The following PPP2R2C variants were observed in gnomAD, a reference collection of about 807,000 sequenced individuals.
PPP2R2C encodes protein phosphatase 2, regulatory subunit B, gamma.
Under a neutral mutation model 45.3 loss-of-function variants are expected in PPP2R2C, and 10 were observed. The ratio of observed to expected loss-of-function variants is 0.22; its 90% CI spans 0.14 to 0.37. The LOEUF (loss-of-function observed/expected upper bound fraction) is 0.37. PPP2R2C is among the 10% of genes least tolerant of loss of function. The probability of loss-of-function intolerance (pLI) is 1.00; values close to 1 mark genes in which losing one functional copy is unlikely to be tolerated. For synonymous variants in PPP2R2C, 257 were observed against 245.4 expected (o/e 1.05, Z -0.44); for missense variants, 308 against 619.7 (o/e 0.50, Z 5.34).
intron 2 of PPP2R2C, among the ~76,000 whole-genome samples, chr4:6,514,919 A>G (rs1440484327): frequency 2.6e-5 from 4 of 152,240 alleles, no homozygotes; most frequent in South Asian, 2.1e-4. Context: ...CTGCATCACT[A>G]CAATCTCTGT....
intron 2 of PPP2R2C, among the ~76,000 whole-genome samples, chr4:6,479,433 C>G (rs13105491): frequency 1.4e-5 from 2 of 140,890 alleles, no homozygotes; most frequent in Non-Finnish European, 3.0e-5. Context: ...CAACCCAGGT[C>G]GCCATGCCTC....
chr4:6,321,665 A>T lies in PPP2R2C; in HGVS notation c.*1637T>A, dbSNP rs1731557915. 2 of 92,760 alleles carry T rather than the reference A, an allele frequency of 2.2e-5. No homozygotes were observed. Among genetic ancestry groups the T allele is most frequent in the Non-Finnish European group, 4.6e-5 (2 of 43,874 alleles). The allele number at this position is 92,760 out of a possible 1,614,324, so 5.7% of individuals were successfully genotyped here. A position where few individuals can be genotyped will look rare whatever the true frequency, so the allele number is the denominator to read the frequency against. Reference sequence around the variant, plus strand: ...TCTTGTAAAAAACAAAACAAAACAAAACCAAAAAAAAAGTTTGGATTTGGC... The same window carrying T: ...TCTTGTAAAAAACAAAACAAAACAATACCAAAAAAAAAGTTTGGATTTGGC... On this transcript the variant is annotated 3_prime_UTR_variant, in exon 9 of 9. Transcript: ENST00000382599.
intron 1 of PPP2R2C, among the ~76,000 whole-genome samples, chr4:6,442,990 C>T (rs1720227838): frequency 6.6e-6 from 1 of 152,214 alleles, no homozygotes; most frequent in Non-Finnish European, 1.5e-5. Flanking sequence ...GTGACTTTCC[C>T]GACCTAAATG....
At chr4:6,488,460 G>A (rs929276653) in intron 2 of PPP2R2C, among the ~76,000 whole-genome samples, 2 of 152,102 alleles carry the variant, frequency 1.3e-5, no homozygotes, top group African/African-American at 2.4e-5. Flanking sequence ...AAGGTGGGAG[G>A]ATCACTTGAG....
chr4:6,371,155 C>G (rs1462585721), intron 5 of PPP2R2C, among the ~76,000 whole-genome samples: 2 of 152,204 alleles, frequency 1.3e-5, no homozygotes, highest in Admixed American at 6.5e-5. Context: ...TGAGTGTACT[C>G]ACCCAGGGTC....
At chr4:6,346,163 C>CA (rs911069053) in intron 6 of PPP2R2C, among the ~76,000 whole-genome samples, 4 of 152,290 alleles carry the variant, frequency 2.6e-5, no homozygotes, top group African/African-American at 9.6e-5. Context: ...TTTCTTCCTG[C>CA]AGACCCTGCA....
intron 1 of PPP2R2C, among the ~76,000 whole-genome samples, chr4:6,470,423 T>C (rs1037277950): frequency 6.6e-6 from 1 of 152,148 alleles, no homozygotes; most frequent in African/African-American, 2.4e-5. Context: ...GCAGAGGGAA[T>C]TAATGTTTGA....
intron 1 of PPP2R2C, among the ~76,000 whole-genome samples, chr4:6,390,630 G>A (rs1376542576): frequency 2.6e-5 from 4 of 152,214 alleles, no homozygotes; most frequent in Admixed American, 6.5e-5. Flanking sequence ...AGTGAGTGAC[G>A]GAAGGCCGTT....
chr4:6,562,958 C>T (rs1725627331), intron 1 of PPP2R2C, among the ~76,000 whole-genome samples: 1 of 133,678 alleles, frequency 7.5e-6, no homozygotes, highest in Non-Finnish European at 1.5e-5. Context: ...CTGTCCCTGC[C>T]AGCCAAAAAA....
chr4:6,423,313 C>T (rs1452925234), intron 1 of PPP2R2C, among the ~76,000 whole-genome samples: 2 of 152,206 alleles, frequency 1.3e-5, no homozygotes, highest in Non-Finnish European at 2.9e-5. Context: ...AAGCAATTCT[C>T]CTGCCTCAGC....
intron 5 of PPP2R2C, chr4:6,348,818 G>T: frequency 1.4e-6 from 1 of 691,034 alleles, no homozygotes; most frequent in Non-Finnish European, 1.8e-6. Context: ...CCTGGATCAA[G>T]CTGCACCTGA....
In PPP2R2C at chr4:6,324,276, A is replaced by G. The variant is rs572396569; in HGVS notation, c.1053-683T>C. On this transcript the variant is annotated intron_variant, in intron 8 of 8. Coordinates refer to ENST00000382599, the MANE Select transcript of PPP2R2C (RefSeq NM_020416.4). This position sits in a 1 kb window ranked among gnomAD's most constrained non-coding sequence, Gnocchi z 4.1. The stretch of plus-strand genomic sequence containing the variant: ...ATGAAACCCTGTCTCTACTAAAAAT[A>G]CAAAAATTAGCTGGACATGGTGGTG... Among the ~76,000 whole-genome samples the G allele has an allele frequency of 2.4e-3, 367 of 152,144 alleles. 1 individual carries two copies. Among genetic ancestry groups the G allele is most frequent in the Middle Eastern group, 6.8e-3 (2 of 294 alleles).
At position 6,363,411 on chromosome 4, in the gene PPP2R2C, T is replaced by C. The variant is rs563533286; in HGVS notation, c.625+9112A>G. ...GGCTAACACGGTGAAACCCCGTCTCTACTAAAAAATACAAAAAATTAGCCG... is the reference window on the plus strand; with the variant it reads ...GGCTAACACGGTGAAACCCCGTCTCCACTAAAAAATACAAAAAATTAGCCG... On this transcript the variant is annotated intron_variant, in intron 5 of 8. Coordinates refer to ENST00000382599, the MANE Select transcript of PPP2R2C (RefSeq NM_020416.4). Among the ~76,000 whole-genome samples the C allele has an allele frequency of 5.9e-5, 9 of 152,098 alleles. No individual in the cohort carries two copies. The East Asian group carries it at 1.8e-3, about 30-fold the overall frequency.
intron 2 of PPP2R2C, among the ~76,000 whole-genome samples, chr4:6,515,828 G>A (rs948911828): frequency 2.0e-5 from 3 of 152,154 alleles, no homozygotes; most frequent in African/African-American, 7.2e-5. Context: ...CGAGGTGTCC[G>A]GCAGAGCCAC....
At chr4:6,552,185 T>C (rs975389985) in intron 1 of PPP2R2C, among the ~76,000 whole-genome samples, 5 of 152,356 alleles carry the variant, frequency 3.3e-5, no homozygotes, top group African/African-American at 9.6e-5. Context: ...GCAGTCTCCC[T>C]GCAATTTTTT....
rs558583686 is a variant in PPP2R2C, at chr4:6,355,542, C to T, written c.626-7532G>A. 5.4e-5 allele frequency among the ~76,000 whole-genome samples: 7 copies of T among 129,568 alleles called. No individual in the cohort carries two copies. The South Asian group carries it at 1.7e-3, about 31-fold the overall frequency. The allele number at this position is 129,568 out of a possible 152,430, so 85.0% of individuals were successfully genotyped here. On this transcript the variant is annotated intron_variant, in intron 5 of 8. Transcript: ENST00000382599. ...ATAAAAAAAAGAAAAAAGAAAGCCA[C>T]AGAAAGCACAAAAAAAAAAAAAAAA...
intron 8 of PPP2R2C, among the ~76,000 whole-genome samples, chr4:6,325,614 G>T (rs1731876508): frequency 6.6e-6 from 1 of 152,186 alleles, no homozygotes; most frequent in Non-Finnish European, 1.5e-5. Context: ...AACCCACACA[G>T]TTCCTGATCC....
At chr4:6,383,669 TC>T (rs1716019250) in intron 1 of PPP2R2C, 1 of 544,226 alleles carries the variant, frequency 1.8e-6, no homozygotes, top group African/African-American at 2.0e-5. Context: ...ACCCTGACCA[TC>T]CCTGCCCCAA....
At chr4:6,413,989 T>C in intron 1 of PPP2R2C, 1 of 1,535,188 alleles carries the variant, frequency 6.5e-7, no homozygotes, top group Non-Finnish European at 8.7e-7. Flanking sequence ...GCTACTGCCA[T>C]GTTGCCAGTC....
Sources: gnomAD v4.1 joint callset for allele counts (sites outside exome capture counted in the v4.1 genomes callset) on GRCh38, gnomAD v4.1.1 for gene constraint, Gnocchi (gnomAD v3.1) non-coding constraint, MANE v1.5 for transcripts, NCBI Gene and HGNC (gene_info 2026-07-23, HGNC 2026-07-21) for gene names.